Variants in SMC2 observed in about 807,000 individuals in gnomAD.
SMC2 encodes structural maintenance of chromosomes protein 2.
In SMC2, 41 loss-of-function variants were observed where a neutral mutation model predicts 142.6. The ratio of observed to expected loss-of-function variants is 0.29; its 90% CI spans 0.22 to 0.37. The LOEUF is 0.37. Ranked by LOEUF, SMC2 falls within the 10% of genes least tolerant of loss-of-function variation. The pLI, the probability that SMC2 is intolerant of heterozygous loss-of-function variation, is 1.00. For synonymous variants in SMC2, 463 were observed against 457.5 expected, an observed-to-expected ratio of 1.01 and a Z score of -0.15; for missense variants, 1,265 against 1,373.7, an observed-to-expected ratio of 0.92 and a Z score of 1.25.
At position 104,101,187 on chromosome 9, in the gene SMC2, G is replaced by T. The variant is rs149974316; in HGVS notation, c.636+754G>T. On this transcript the variant is annotated intron_variant, in intron 7 of 24. Transcript: ENST00000374793. Reference sequence around the variant, plus strand: ...TGGGCTCAAGTGATCCACCTGCCTCGGCCTCGCAAAGTGCTGGGATTACAG... The same window carrying T: ...TGGGCTCAAGTGATCCACCTGCCTCTGCCTCGCAAAGTGCTGGGATTACAG... 5.3e-3 allele frequency among the ~76,000 whole-genome samples: 804 copies of T among 152,166 alleles called. 7 individuals are homozygous for T. Among genetic ancestry groups the T allele is most frequent in the African/African-American group, 0.019 (771 of 41,516 alleles).
intron 9 of SMC2, among the ~76,000 whole-genome samples, chr9:104,104,391 G>A (rs895968568): frequency 6.6e-6 from 1 of 152,174 alleles, no homozygotes; most frequent in Non-Finnish European, 1.5e-5. Flanking sequence ...GCTCAGAAAA[G>A]CTGCCTAGGG....
At chr9:104,134,072 C>G (rs1270496874) in intron 22 of SMC2, among the ~76,000 whole-genome samples, 1 of 151,940 alleles carries the variant, frequency 6.6e-6, no homozygotes, top group Non-Finnish European at 1.5e-5. Flanking sequence ...ACAAAAGTGT[C>G]AAAACTTTGG....
At chr9:104,123,276 AT>A (rs1564103248) in intron 17 of SMC2, 44 bp downstream of exon 17, 1 of 1,585,932 alleles carries the variant, frequency 6.3e-7, no homozygotes, top group South Asian at 1.1e-5. Context: ...TTTTATTCAT[AT>A]CCGTTACCTT....
At chr9:104,127,122 T>C (rs1834394565) in intron 19 of SMC2, among the ~76,000 whole-genome samples, 164 bp from the exon 20 acceptor site, 1 of 152,172 alleles carries the variant, frequency 6.6e-6, no homozygotes, top group South Asian at 2.1e-4. Context: ...ATAAATTGAT[T>C]AGTCCTTTTA....
chr9:104,093,492 T>C (rs755865074), upstream of SMC2, among the ~76,000 whole-genome samples: 42 of 152,174 alleles, frequency 2.8e-4, no homozygotes, highest in South Asian at 8.3e-4. Context: ...TCTGATTTCA[T>C]AGGGTTGCTA....
upstream of SMC2, chr9:104,094,299 G>C (rs984898336): frequency 1.3e-5 from 5 of 398,474 alleles, no homozygotes; most frequent in African/African-American, 2.1e-5. Flanking sequence ...CTTTGCTCGC[G>C]CCGAAATTCA....
chr9:104,116,053 C>A, intron 13 of SMC2, 147 bp from the exon 14 acceptor site: 2 of 594,736 alleles, frequency 3.4e-6, no homozygotes, highest in Non-Finnish European at 5.3e-6. Flanking sequence ...TTTTCAAGTT[C>A]AAATGATGTT....
At chr9:104,092,734 G>A (rs549454431), upstream of SMC2, 15 of 152,274 alleles carry the variant, frequency 9.9e-5, no homozygotes, top group African/African-American at 3.1e-4. Flanking sequence ...CCCTTATCGA[G>A]AAATATTTTC....
intron 13 of SMC2, among the ~76,000 whole-genome samples, chr9:104,115,974 G>A (rs749764310): frequency 5.3e-5 from 8 of 150,074 alleles, no homozygotes; most frequent in South Asian, 4.2e-4. Context: ...TTTTTTCTTC[G>A]TCTGATTATG....
chr9:104,088,896 T>C, the SMC2 span, among the ~76,000 whole-genome samples: 1 of 152,084 alleles, frequency 6.6e-6, no homozygotes, highest in Non-Finnish European at 1.5e-5. Context: ...TAAATGCCTA[T>C]TGAATCCACT....
At chr9:104,089,763 C>T (rs149899426), upstream of SMC2, among the ~76,000 whole-genome samples, 1,810 of 152,172 alleles carry the variant, frequency 0.012, 49 homozygotes, top group African/African-American at 0.041. Context: ...ATTCTCGTGC[C>T]TCAGCCTTCT....
At position 104,116,322 on chromosome 9, in the gene SMC2, A is replaced by C; in HGVS notation, c.1791+3A>C. ...CTCTGAGAGTTGCTCAGAATCTTGTAAGTCTCATTTTGTCTTATTTATATG... is the reference window on the plus strand; with the variant it reads ...CTCTGAGAGTTGCTCAGAATCTTGTCAGTCTCATTTTGTCTTATTTATATG... On this transcript the variant is annotated splice_donor_region_variant and intron_variant, in intron 14 of 24. Coordinates refer to ENST00000374793, the MANE Select transcript of SMC2 (RefSeq NM_006444.3). The C allele has an allele frequency of 6.2e-7, 1 of 1,601,236 alleles. No individual in the cohort carries two copies. The highest frequency in any genetic ancestry group is 8.5e-7 in the Non-Finnish European group (1 of 1,175,912).
chr9:104,125,227 G>A, intron 18 of SMC2, 122 bp downstream of exon 18: 1 of 704,750 alleles, frequency 1.4e-6, no homozygotes, highest in Non-Finnish European at 2.3e-6. Context: ...AGGGAGCAGT[G>A]TTCTTTGGAA....
intron 9 of SMC2, among the ~76,000 whole-genome samples, chr9:104,110,510 ATAGT>A (rs1832310614): frequency 6.6e-6 from 1 of 152,182 alleles, no homozygotes; most frequent in Admixed American, 6.5e-5. Context: ...TAGGCTATTA[ATAGT>A]TAAGTTTTTG....
At chr9:104,107,316 G>C (rs1038758092) in intron 9 of SMC2, among the ~76,000 whole-genome samples, 3 of 152,098 alleles carry the variant, frequency 2.0e-5, no homozygotes, top group African/African-American at 7.2e-5. Context: ...AGTTATATCA[G>C]GTGGCTGCCT....
At chr9:104,127,728 G>A (rs1051969823) in intron 20 of SMC2, among the ~76,000 whole-genome samples, 1 of 152,132 alleles carries the variant, frequency 6.6e-6, no homozygotes, top group African/African-American at 2.4e-5. Context: ...TTTACCAAAT[G>A]TTTAGTGGTC....
chr9:104,119,106 T>C (rs1833445341), intron 15 of SMC2, among the ~76,000 whole-genome samples: 1 of 152,190 alleles, frequency 6.6e-6, no homozygotes, highest in Non-Finnish European at 1.5e-5. Flanking sequence ...AGTGACTTAA[T>C]GTTGCTCTCG....
intron 23 of SMC2, 145 bp from the exon 24 acceptor site, chr9:104,137,873 T>TC (rs1835724796): frequency 4.4e-6 from 2 of 449,538 alleles, no homozygotes; most frequent in South Asian, 9.1e-5. Context: ...AGTGTTAAAG[T>TC]TTGAAACTCA....
chr9:104,114,883 T>C (rs1832908131), intron 13 of SMC2, 54 bp downstream of exon 13: 4 of 1,446,972 alleles, frequency 2.8e-6, no homozygotes, highest in African/African-American at 1.4e-5. Flanking sequence ...TGAAAAGTCA[T>C]GTGCTGCTAA....
Sources: gnomAD v4.1 joint callset for allele counts (sites outside exome capture counted in the v4.1 genomes callset) on GRCh38, gnomAD v4.1.1 for gene constraint, MANE v1.5 for transcripts, NCBI Gene and HGNC (gene_info 2026-07-23, HGNC 2026-07-21) for gene names.